Variants in DPF3 observed in about 807,000 individuals in gnomAD.
The protein encoded by DPF3 is double PHD fingers 3, also known as zinc finger protein DPF3.
Under a neutral mutation model 56.8 loss-of-function variants are expected in DPF3, and 18 were observed. That is an observed-to-expected ratio of 0.32 (90% CI 0.22 to 0.47). DPF3 has a LOEUF of 0.47. Ranked by LOEUF, DPF3 falls within the 20% of genes least tolerant of loss-of-function variation. DPF3 has a pLI of 1.00. For missense variants in DPF3, 403 were observed against 488.8 expected (o/e 0.82, Z 1.65); for synonymous variants, 188 against 180.2 (o/e 1.04, Z -0.35).
At chr14:72,815,628 T>C (rs931169966) in intron 1 of DPF3, among the ~76,000 whole-genome samples, 2 of 152,260 alleles carry the variant, frequency 1.3e-5, no homozygotes, top group Admixed American at 6.5e-5. Context: ...AGCCACACAG[T>C]GGAACGCACC....
intron 9 of DPF3, among the ~76,000 whole-genome samples, chr14:72,627,130 T>C (rs921075122): frequency 3.3e-5 from 5 of 152,110 alleles, no homozygotes; most frequent in African/African-American, 1.2e-4. Context: ...GACTTTATCA[T>C]GTTTTTGACT....
At chr14:72,755,015 T>A (rs1453308381) in intron 2 of DPF3, among the ~76,000 whole-genome samples, 1 of 152,174 alleles carries the variant, frequency 6.6e-6, no homozygotes, top group Non-Finnish European at 1.5e-5. Flanking sequence ...AGGGGACTCA[T>A]CCACCCAGAT....
intron 5 of DPF3, among the ~76,000 whole-genome samples, chr14:72,716,738 G>A (rs1888944738): frequency 6.6e-6 from 1 of 152,166 alleles, no homozygotes; most frequent in Non-Finnish European, 1.5e-5. Context: ...CAATCAGGCA[G>A]GCAGCGAGTC....
intron 1 of DPF3, among the ~76,000 whole-genome samples, chr14:72,856,552 G>T (rs1017247285): frequency 1.3e-5 from 2 of 152,238 alleles, no homozygotes; most frequent in African/African-American, 4.8e-5. Context: ...AATGCATGGG[G>T]GCTAGAAGGA....
At chr14:72,674,671 C>G (rs1599346436) in intron 7 of DPF3, among the ~76,000 whole-genome samples, 1 of 152,338 alleles carries the variant, frequency 6.6e-6, no homozygotes, top group East Asian at 1.9e-4. Flanking sequence ...AGGTACTGGT[C>G]AAGTGAACTA....
chr14:72,736,840 C>T (rs575991631), intron 3 of DPF3, among the ~76,000 whole-genome samples: 1 of 152,096 alleles, frequency 6.6e-6, no homozygotes, highest in Admixed American at 6.5e-5. Context: ...AGCCATTGAA[C>T]CTTTAACATT....
Position 72,618,236 on chromosome 14 carries a change from A to AGTAGACAAT in DPF3, c.*1052_*1060dup, listed in dbSNP as rs976466291. 2.0e-5 allele frequency among the ~76,000 whole-genome samples: 3 copies of AGTAGACAAT among 152,244 alleles called. No homozygotes were observed. The highest frequency in any genetic ancestry group is 2.0e-4 in the Admixed American group (3 of 15,290). ...ATCCTAAAATTCCCAGTCAGGTCTC[A>AGTAGACAAT]GTAGACAATAGCGAACAAACACTAC... On this transcript the variant is annotated 3_prime_UTR_variant, in exon 11 of 11. Transcript: ENST00000556509.
chr14:72,853,034 C>CGCGTGTGTGTGTGTGTGTGT (rs1885040013), intron 1 of DPF3, among the ~76,000 whole-genome samples: 1 of 144,002 alleles, frequency 6.9e-6, no homozygotes, highest in Admixed American at 7.1e-5. Flanking sequence ...CATAGCCTTG[C>CGCGTGTGTGTGTGTGTGTGT]GTGTGTGTGT....
At chr14:72,693,716 A>C (rs1446334869) in intron 6 of DPF3, among the ~76,000 whole-genome samples, 1 of 152,214 alleles carries the variant, frequency 6.6e-6, no homozygotes, top group South Asian at 2.1e-4. Flanking sequence ...AGCAACACCA[A>C]GTGACTTGCC....
chr14:72,871,878 T>A (rs1368927984), intron 1 of DPF3, among the ~76,000 whole-genome samples: 1 of 152,166 alleles, frequency 6.6e-6, no homozygotes, highest in African/African-American at 2.4e-5. Context: ...AGTGCCCCAG[T>A]AGGGACTCTG....
intron 7 of DPF3, 26 bp from the exon 8 acceptor site, chr14:72,674,394 A>ATG: frequency 6.2e-7 from 1 of 1,606,950 alleles, no homozygotes; most frequent in Non-Finnish European, 8.5e-7. Context: ...AAACATTCCA[A>ATG]TTTCAGGCTT....
intron 1 of DPF3, among the ~76,000 whole-genome samples, chr14:72,786,974 C>T (rs987637978): frequency 6.6e-6 from 1 of 152,234 alleles, no homozygotes; most frequent in African/African-American, 2.4e-5. Context: ...TGTTGAGTTG[C>T]AGGCTGCTGC....
intron 1 of DPF3, among the ~76,000 whole-genome samples, chr14:72,839,211 G>A (rs192152368): frequency 1.4e-4 from 22 of 151,966 alleles, no homozygotes; most frequent in Admixed American, 7.2e-4. Context: ...GTGAGCCACC[G>A]CATCTGGCCA....
intron 1 of DPF3, among the ~76,000 whole-genome samples, chr14:72,801,698 C>T (rs1315883263): frequency 6.6e-6 from 1 of 152,080 alleles, no homozygotes; most frequent in Non-Finnish European, 1.5e-5. Context: ...TATGGGTGTC[C>T]AGTGGCGACA....
At position 72,616,794 on chromosome 14, in the gene DPF3, T is replaced by C. The variant is rs1308398716; in HGVS notation, c.*2503A>G. 6.6e-6 allele frequency among the ~76,000 whole-genome samples: 1 copy of C among 152,176 alleles called. No individual in the cohort carries two copies. Among genetic ancestry groups the C allele is most frequent in the Non-Finnish European group, 1.5e-5 (1 of 68,020 alleles). On this transcript the variant is annotated 3_prime_UTR_variant, in exon 11 of 11. Transcript: ENST00000556509. ...CTGGGGTTCAAAAAAAAGAGACCAA[T>C]TTAAAGTTTACCAACCCCGTCCTCT...
intron 8 of DPF3, chr14:72,661,654 C>T (rs149056441): frequency 4.1e-6 from 4 of 985,476 alleles, no homozygotes; most frequent in East Asian, 2.3e-4. Context: ...CATGTTAGAA[C>T]ACCCGCCGTC....
At chr14:72,681,952 C>T (rs1409170437) in intron 7 of DPF3, among the ~76,000 whole-genome samples, 5 of 152,312 alleles carry the variant, frequency 3.3e-5, no homozygotes, top group East Asian at 1.9e-4. Context: ...TGCTGGCTCA[C>T]GCCTGTAATC....
At position 72,693,227 on chromosome 14, in the gene DPF3, G is replaced by C. The variant is rs1473548370; in HGVS notation, c.605-14C>G. ...GCTTGCCACAGACTAGAGAGGAAAA[G>C]AGGAAAAAAGGGAGAGATACAAATA... On this transcript the variant is annotated splice_polypyrimidine_tract_variant and intron_variant, in intron 6 of 10. Transcript: ENST00000556509. The C allele has an allele frequency of 1.9e-6, 3 of 1,606,954 alleles. No individual in the cohort carries two copies. The highest frequency in any genetic ancestry group is 2.5e-6 in the Non-Finnish European group (3 of 1,177,822).
chr14:72,879,903 TTCCGGGGA>T, intron 1 of DPF3: 1 of 1,518,180 alleles, frequency 6.6e-7, no homozygotes, highest in Non-Finnish European at 8.8e-7. Flanking sequence ...TATGCGTGTT[TTCCGGGGA>T]GATGATCCAC....
Sources: gnomAD v4.1 joint callset for allele counts (sites outside exome capture counted in the v4.1 genomes callset) on GRCh38, gnomAD v4.1.1 for gene constraint, MANE v1.5 for transcripts, NCBI Gene and HGNC (gene_info 2026-07-23, HGNC 2026-07-21) for gene names.